Variants in ADSL observed in about 807,000 individuals in gnomAD.
ADSL encodes adenylosuccinase.
ADSL carries 44 observed loss-of-function variants against 62.1 expected under a neutral mutation model. The ratio of observed to expected loss-of-function variants is 0.71; its 90% CI spans 0.56 to 0.91. The LOEUF is 0.91. ADSL is among the 40% of genes least tolerant of loss of function. The pLI, the probability that ADSL is intolerant of heterozygous loss-of-function variation, is 0.00. For synonymous variants in ADSL, 198 were observed against 220.5 expected (o/e 0.90, Z 0.90); for missense variants, 531 against 627.4 (o/e 0.85, Z 1.64).
chr22:40,352,836 A>G (rs1342909040), intron 2 of ADSL, among the ~76,000 whole-genome samples: 3 of 152,150 alleles, frequency 2.0e-5, no homozygotes, highest in Non-Finnish European at 4.4e-5. Flanking sequence ...TGGGCTTTAT[A>G]AGTATAAAGG....
intron 4 of ADSL, among the ~76,000 whole-genome samples, chr22:40,358,283 A>G (rs2044641747): frequency 6.6e-6 from 1 of 152,186 alleles, no homozygotes; most frequent in African/African-American, 2.4e-5. Context: ...CCCTGCCCTT[A>G]TAATAAATTG....
chr22:40,346,911 T>C (rs552117079), intron 1 of ADSL, among the ~76,000 whole-genome samples, 200 bp downstream of exon 1: 2 of 152,302 alleles, frequency 1.3e-5, no homozygotes, highest in Admixed American at 6.5e-5. Context: ...TTGCCTCACG[T>C]GTTCTCAGTC....
At chr22:40,355,181 GGCTGGAGT>G (rs1185075584) in intron 4 of ADSL, among the ~76,000 whole-genome samples, 1 of 152,118 alleles carries the variant, frequency 6.6e-6, no homozygotes, top group Non-Finnish European at 1.5e-5. Flanking sequence ...CTGTTGCCCA[GGCTGGAGT>G]GCAGTGGTGT....
At position 40,363,059 on chromosome 22, in the gene ADSL, C is replaced by T. The variant is rs368373129; in HGVS notation, c.1089C>T (p.Val363=). 8.9e-5 allele frequency: 143 copies of T among 1,613,828 alleles called. No individual in the cohort carries two copies. The highest frequency in any genetic ancestry group is 8.8e-4 in the South Asian group (80 of 91,070). ...TGCAGAACATTTCTGAAGGATTGGT[C>T]GTGTACCCCAAAGTAAGAAGCCTCA... ...NTLQNISEGL[V]VYPKVIERRI... The change falls in exon 10 of 13, where the codon GTC becomes GTT. Residue 363 remains valine (V), a synonymous_variant. Coordinates refer to ENST00000623063, the MANE Select transcript of ADSL (RefSeq NM_000026.4).
At chr22:40,354,477 T>C (rs1328983843) in intron 4 of ADSL, 150 bp downstream of exon 4, 1 of 742,518 alleles carries the variant, frequency 1.3e-6, no homozygotes, top group East Asian at 2.5e-5. Context: ...ATGAGCCTGA[T>C]ATCCACTGAG....
downstream of ADSL, among the ~76,000 whole-genome samples, chr22:40,370,994 G>A (rs1194995540): frequency 6.6e-6 from 1 of 152,254 alleles, no homozygotes; most frequent in Non-Finnish European, 1.5e-5. Context: ...CGCGCTGGCA[G>A]CCGGGAGCGG....
At chr22:40,385,028 C>T (rs2048202515) in intron 2 of ADSL, among the ~76,000 whole-genome samples, 1 of 152,056 alleles carries the variant, frequency 6.6e-6, no homozygotes, top group Admixed American at 6.6e-5. Context: ...AAAGAAGAGG[C>T]AGTAAAGAAG....
intron 2 of ADSL, among the ~76,000 whole-genome samples, chr22:40,352,637 C>T (rs1277871571): frequency 6.6e-6 from 1 of 152,170 alleles, no homozygotes; most frequent in African/African-American, 2.4e-5. Flanking sequence ...TGTTGACTTG[C>T]ACATTTTCCA....
At chr22:40,359,969 T>C (rs1203914291) in intron 6 of ADSL, among the ~76,000 whole-genome samples, 1 of 152,198 alleles carries the variant, frequency 6.6e-6, no homozygotes, top group East Asian at 1.9e-4. Context: ...ATCTGACCAT[T>C]TCCATTGAGG....
At chr22:40,375,280 T>C (rs9623170) in intron 2 of ADSL, among the ~76,000 whole-genome samples, 136 of 152,274 alleles carry the variant, frequency 8.9e-4, no homozygotes, top group African/African-American at 3.1e-3. Context: ...GTAACTGATA[T>C]CAGAAATTAG....
downstream of ADSL, among the ~76,000 whole-genome samples, chr22:40,371,541 G>T (rs2045481321): frequency 6.6e-6 from 1 of 152,112 alleles, no homozygotes; most frequent in Non-Finnish European, 1.5e-5. Context: ...CGTAGTTTTT[G>T]TGACAGGTTT....
In ADSL at chr22:40,366,761, C is replaced by G. The variant is rs1378770045; in HGVS notation, c.*239C>G. On this transcript the variant is annotated 3_prime_UTR_variant, in exon 13 of 13. Transcript: ENST00000623063. Reference sequence around the variant, plus strand: ...AGTTCATACTTGATCTCTGTTCTTTCAAGGCATATTTTCCAGCTGCCTCAA... The same window carrying G: ...AGTTCATACTTGATCTCTGTTCTTTGAAGGCATATTTTCCAGCTGCCTCAA... 4.1e-5 allele frequency: 19 copies of G among 466,884 alleles called. No individual in the cohort carries two copies. The highest frequency in any genetic ancestry group is 2.0e-4 in the African/African-American group (10 of 50,720). 28.9% of individuals were successfully genotyped at this position (466,884 alleles called of 1,614,324 possible). A position where few individuals can be genotyped will look rare whatever the true frequency, so the allele number is the denominator to read the frequency against.
At chr22:40,380,624 C>T (rs1374845938) in intron 2 of ADSL, among the ~76,000 whole-genome samples, 1 of 152,118 alleles carries the variant, frequency 6.6e-6, no homozygotes, top group Non-Finnish European at 1.5e-5. Flanking sequence ...AGGCGTGAGT[C>T]ACTGTGCCCA....
Position 40,367,288 on chromosome 22 carries a change from C to T in ADSL, c.*766C>T, listed in dbSNP as rs1035275902. On this transcript the variant is annotated 3_prime_UTR_variant, in exon 13 of 13. Coordinates refer to ENST00000623063, the MANE Select transcript of ADSL (RefSeq NM_000026.4). ...AGTAGCTGGGATTACAGGCGCCTGCCGCCATGCCTGGCTAATTTTTGTATT... is the reference window on the plus strand; with the variant it reads ...AGTAGCTGGGATTACAGGCGCCTGCTGCCATGCCTGGCTAATTTTTGTATT... The T allele has an allele frequency of 2.6e-5, 4 of 152,296 alleles. No homozygotes were observed. Among genetic ancestry groups the T allele is most frequent in the East Asian group, 1.9e-4 (1 of 5,200 alleles). The allele number at this position is 152,296 out of a possible 1,614,324, so 9.4% of individuals were successfully genotyped here.
At chr22:40,357,309 A>G (rs1199137826) in intron 4 of ADSL, among the ~76,000 whole-genome samples, 1 of 134,564 alleles carries the variant, frequency 7.4e-6, no homozygotes, top group East Asian at 2.2e-4. Context: ...GCTGGAGTGC[A>G]GTGGCACAAT....
chr22:40,353,081 T>G lies in ADSL; in HGVS notation c.366T>G (p.Ile122Met), dbSNP rs2044410316. ...TGCATTTTCTTTCGTAGGACTTGAT[T>G]ATTCTTAGAAATGCACTTGACCTGC... ...SCYVGDNTDLIILRNALDLLL... is the reference protein window; with the variant it reads ...SCYVGDNTDLMILRNALDLLL... Residue 122 changes from isoleucine to methionine, a missense_variant, in exon 3 of 13, where the codon ATT (isoleucine) becomes ATG (methionine). By Grantham distance (10) the Ile-to-Met change is conservative (BLOSUM62 1). Coordinates refer to ENST00000623063, the MANE Select transcript of ADSL (RefSeq NM_000026.4). 9.9e-6 allele frequency: 16 copies of G among 1,613,710 alleles called. No individual in the cohort carries two copies. The highest frequency in any genetic ancestry group is 1.3e-5 in the Non-Finnish European group (15 of 1,179,702).
intron 9 of ADSL, 68 bp from the exon 10 acceptor site, chr22:40,362,913 G>A (rs1348730274): frequency 4.3e-6 from 6 of 1,404,546 alleles, no homozygotes; most frequent in Non-Finnish European, 6.1e-6. Flanking sequence ...GCAACTTGTT[G>A]GGACACACAC....
chr22:40,360,398 C>G lies in ADSL; in HGVS notation c.702-4C>G. ...ACCTAAGTCTCTCTTGTACTTATTC[C>G]TAGAGCTTTCATCATCACAGGGCAG... On this transcript the variant is annotated splice_region_variant and splice_polypyrimidine_tract_variant and intron_variant, in intron 6 of 12. Transcript: ENST00000623063. The G allele has an allele frequency of 6.2e-7, 1 of 1,611,158 alleles. No homozygotes were observed. The highest frequency in any genetic ancestry group is 8.5e-7 in the Non-Finnish European group (1 of 1,178,036).
intron 5 of ADSL, 67 bp from the exon 6 acceptor site, chr22:40,359,193 T>C: frequency 6.3e-7 from 1 of 1,593,360 alleles, no homozygotes; most frequent in South Asian, 1.1e-5. Flanking sequence ...CTGGGTAGGA[T>C]GACAGGTTGA....
Sources: allele counts gnomAD v4.1 joint callset (sites outside exome capture counted in the v4.1 genomes callset), GRCh38; gene constraint gnomAD v4.1.1; transcripts MANE v1.5; gene names NCBI Gene and HGNC (gene_info 2026-07-23, HGNC 2026-07-21).